The following CGGBP1 variants were observed in gnomAD, a reference collection of about 807,000 sequenced individuals.
The protein encoded by CGGBP1 is CGG triplet repeat-binding protein 1.
CGGBP1 carries 4 observed loss-of-function variants against 11.4 expected under a neutral mutation model. The observed-to-expected ratio is 0.35, with a 90% CI of 0.17 to 0.80. The LOEUF (loss-of-function observed/expected upper bound fraction) is 0.80. CGGBP1 is among the 30% of genes least tolerant of loss of function. CGGBP1 has a pLI of 0.52. For synonymous variants in CGGBP1, 76 were observed against 74.1 expected (o/e 1.03, Z -0.13); for missense variants, 135 against 202.1 (o/e 0.67, Z 2.01).
intron 2 of CGGBP1, among the ~76,000 whole-genome samples, chr3:88,107,294 ATTATTT>A (rs1704802314): frequency 6.6e-6 from 1 of 152,096 alleles, no homozygotes; most frequent in African/African-American, 2.4e-5. Context: ...CCTAGATGAG[ATTATTT>A]TTATTAGTAC....
chr3:88,093,637 A>G (rs1379710535), intron 2 of CGGBP1, among the ~76,000 whole-genome samples: 1 of 152,240 alleles, frequency 6.6e-6, no homozygotes, highest in African/African-American at 2.4e-5. Context: ...TTCTTGGACT[A>G]GACTACACAT....
At chr3:88,094,586 G>A (rs1703945610) in intron 2 of CGGBP1, among the ~76,000 whole-genome samples, 1 of 151,978 alleles carries the variant, frequency 6.6e-6, no homozygotes, top group African/African-American at 2.4e-5. Flanking sequence ...TAGTTCTCTT[G>A]GTCAGTGTGG....
In CGGBP1 at chr3:88,147,470, T is replaced by G. The variant is rs116835646; in HGVS notation, c.-338+2241A>C. On this transcript the variant is annotated intron_variant, in intron 1 of 3. Transcript: ENST00000462901. ...AGATGATAAGGGAACCACTGACTAG[T>G]CTGGAGAGATTGACAGAATAATAAG... Among the ~76,000 whole-genome samples, 1,173 of 152,256 alleles carry G rather than the reference T, an allele frequency of 7.7e-3. 10 individuals are homozygous for G. Among genetic ancestry groups the G allele is most frequent in the Non-Finnish European group, 0.013 (852 of 68,010 alleles).
intron 1 of CGGBP1, chr3:88,143,120 C>T (rs185779345): frequency 2.0e-5 from 3 of 152,368 alleles, no homozygotes; most frequent in African/African-American, 4.8e-5. Flanking sequence ...TCATCAGACC[C>T]TATTAGAGCT....
At chr3:88,134,118 T>TG (rs939921535) in intron 2 of CGGBP1, among the ~76,000 whole-genome samples, 3 of 146,856 alleles carry the variant, frequency 2.0e-5, no homozygotes, top group African/African-American at 7.5e-5. Context: ...AAAAAAAAGG[T>TG]GGGGGGTAGT....
chr3:88,128,651 TA>T (rs1266884559), intron 2 of CGGBP1, among the ~76,000 whole-genome samples: 2 of 152,106 alleles, frequency 1.3e-5, no homozygotes, highest in African/African-American at 4.8e-5. Flanking sequence ...TCCAACCATA[TA>T]ACTGAATATT....
upstream of CGGBP1, chr3:88,059,593 A>C (rs1559681473): frequency 4.2e-6 from 6 of 1,414,778 alleles, no homozygotes; most frequent in Non-Finnish European, 5.5e-6. Flanking sequence ...AATCTGGTCT[A>C]TGTCCAGTGC....
chr3:88,096,526 T>G (rs1704070199), intron 2 of CGGBP1, among the ~76,000 whole-genome samples: 1 of 152,146 alleles, frequency 6.6e-6, no homozygotes, highest in Non-Finnish European at 1.5e-5. Context: ...GACCTTTGTT[T>G]TGGAAGACAT....
chr3:88,067,967 A>G (rs1225415345), intron 2 of CGGBP1, among the ~76,000 whole-genome samples: 2 of 152,236 alleles, frequency 1.3e-5, no homozygotes, highest in Admixed American at 1.3e-4. Flanking sequence ...GGAAGATACA[A>G]ATCTACAAAA....
chr3:88,113,825 T>G (rs202031723), intron 2 of CGGBP1, among the ~76,000 whole-genome samples: 1 of 9,300 alleles, frequency 1.1e-4, no homozygotes, highest in East Asian at 6.3e-3. Flanking sequence ...ACAACATATC[T>G]TATATTTGTT....
At chr3:88,134,247 A>ATG (rs1553700272) in intron 2 of CGGBP1, among the ~76,000 whole-genome samples, 1 of 152,106 alleles carries the variant, frequency 6.6e-6, no homozygotes, top group African/African-American at 2.4e-5. Flanking sequence ...CACCCTCATG[A>ATG]TGGTAATCAA....
chr3:88,146,630 T>C (rs1267868431), intron 1 of CGGBP1, among the ~76,000 whole-genome samples: 1 of 152,204 alleles, frequency 6.6e-6, no homozygotes, highest in Non-Finnish European at 1.5e-5. Flanking sequence ...ATATTAGGTA[T>C]GGCTCCCATA....
At chr3:88,089,083 T>G (rs1708498220) in intron 2 of CGGBP1, among the ~76,000 whole-genome samples, 1 of 150,826 alleles carries the variant, frequency 6.6e-6, no homozygotes, top group Admixed American at 6.6e-5. Context: ...TAAAAAAAAC[T>G]GTATTAAAAA....
intron 2 of CGGBP1, among the ~76,000 whole-genome samples, chr3:88,135,688 C>G (rs1706735892): frequency 6.6e-6 from 1 of 152,020 alleles, no homozygotes. Context: ...TTACCTCTTT[C>G]TAAAAATAGT....
rs201484264 is a variant in CGGBP1 at position 88,139,648 on chromosome 3, A to G, written c.-229+1322T>C. The G allele has an allele frequency of 9.6e-5, 155 of 1,611,914 alleles. No homozygotes were observed. In the African/African-American group the frequency reaches 2.0e-3, roughly 20 times the overall value. On this transcript the variant is annotated intron_variant, in intron 2 of 3. Transcript: ENST00000462901. ...GAAGTCATCCCTGAGCATGTGGCTG[A>G]ATTCATTGAAATTCCCATAAGTGTA...
At chr3:88,059,281 C>G (rs761188196), upstream of CGGBP1, 2 of 1,532,222 alleles carry the variant, frequency 1.3e-6, no homozygotes, top group South Asian at 1.2e-5. Flanking sequence ...GCGGCGGCGG[C>G]GGCGCAGGGG....
intron 2 of CGGBP1, chr3:88,140,065 C>T (rs1707027288): frequency 6.2e-7 from 1 of 1,613,746 alleles, no homozygotes; most frequent in Non-Finnish European, 8.5e-7. Context: ...TTTGAAGATT[C>T]TCAACATTTT....
At chr3:88,107,126 T>C (rs1704791452) in intron 2 of CGGBP1, among the ~76,000 whole-genome samples, 1 of 152,218 alleles carries the variant, frequency 6.6e-6, no homozygotes, top group African/African-American at 2.4e-5. Flanking sequence ...TTTTACTGTA[T>C]GTAAATGTGT....
intron 2 of CGGBP1, among the ~76,000 whole-genome samples, chr3:88,127,906 G>A (rs915047979): frequency 6.6e-6 from 1 of 152,122 alleles, no homozygotes; most frequent in African/African-American, 2.4e-5. Context: ...ACAAATCAGT[G>A]TTTGCATATC....
Sources: allele counts gnomAD v4.1 joint callset (sites outside exome capture counted in the v4.1 genomes callset), GRCh38; gene constraint gnomAD v4.1.1; transcripts MANE v1.5; gene names NCBI Gene and HGNC (gene_info 2026-07-23, HGNC 2026-07-21).